The following PKHD1L1 variants were observed in gnomAD, a reference collection of about 807,000 sequenced individuals.
PKHD1L1 encodes fibrocystin-L.
PKHD1L1 carries 434 observed loss-of-function variants against 462.9 expected under a neutral mutation model. That is an observed-to-expected ratio of 0.94 (90% CI 0.87 to 1.02). PKHD1L1 has a LOEUF of 1.02. Among genes scored for constraint, PKHD1L1 ranks in the 50% least tolerant of loss-of-function variants. PKHD1L1 has a pLI of 0.00. For missense variants in PKHD1L1, 5,202 were observed against 5,096.1 expected, an observed-to-expected ratio of 1.02 and a Z score of -0.63; for synonymous variants, 1,781 against 1,750.0, an observed-to-expected ratio of 1.02 and a Z score of -0.44.
At chr8:109,460,398 A>T (rs1817053941) in intron 47 of PKHD1L1, among the ~76,000 whole-genome samples, 1 of 152,088 alleles carries the variant, frequency 6.6e-6, no homozygotes, top group Non-Finnish European at 1.5e-5. Flanking sequence ...CTGATGATGG[A>T]TAGACAGACA....
intron 28 of PKHD1L1, among the ~76,000 whole-genome samples, chr8:109,434,872 C>G (rs981038761): frequency 6.8e-6 from 1 of 147,420 alleles, no homozygotes; most frequent in East Asian, 1.9e-4. Flanking sequence ...AATAAATGAG[C>G]TTATAAACTA....
At chr8:109,469,570 A>G (rs2130850086) in intron 50 of PKHD1L1, among the ~76,000 whole-genome samples, 1 of 152,314 alleles carries the variant, frequency 6.6e-6, no homozygotes, top group South Asian at 2.1e-4. Context: ...TCTACAGGAG[A>G]AAACCTAAGT....
intron 31 of PKHD1L1, 24 bp from the exon 32 acceptor site, chr8:109,438,873 A>T (rs1563542468): frequency 1.3e-6 from 2 of 1,511,802 alleles, no homozygotes; most frequent in South Asian, 1.2e-5. Context: ...TTTTTGCATT[A>T]TTTTTTAAAT....
Position 109,438,362 on chromosome 8 carries a change from T to A in PKHD1L1, c.3666T>A (p.Asn1222Lys), listed in dbSNP as rs1023255525. The change falls in exon 31 of 78, where the codon AAT (asparagine) becomes AAA (lysine). Residue 1222 changes from asparagine to lysine, a missense_variant. Transcript: ENST00000378402. ...CAGTTGATATTTCAGTTACTACCAA[T>A]GGATTTCAAGCCACAGCAAGGGATG... ...EGTVDISVTT[N>K]GFQATARDAF... The A allele has an allele frequency of 1.9e-6, 3 of 1,539,218 alleles. No individual in the cohort carries two copies. The African/African-American group carries it at 4.1e-5, about 21-fold the overall frequency.
At chr8:109,489,851 AT>A in intron 59 of PKHD1L1, 100 bp from the exon 60 acceptor site, 1 of 756,668 alleles carries the variant, frequency 1.3e-6, no homozygotes, top group Non-Finnish European at 2.3e-6. Context: ...AAGAATAATG[AT>A]TTTTTCATGA....
Position 109,464,877 on chromosome 8 carries a change from G to A in PKHD1L1, c.8045G>A (p.Gly2682Glu). 1 of 1,613,782 alleles carries A rather than the reference G, an allele frequency of 6.2e-7. No homozygotes were observed. Among genetic ancestry groups the A allele is most frequent in the Non-Finnish European group, 8.5e-7 (1 of 1,179,790 alleles). Reference protein sequence around the residue: ...NFVMVNNYEAGIETKRILAPY... With the variant: ...NFVMVNNYEAEIETKRILAPY... ...GTGATGGTGAATAACTATGAGGCTG[G>A]AATTGAGACTAAGAGGATCCTGGCT... is the stretch of plus-strand genomic sequence containing the variant. The change falls in exon 49 of 78, where the codon GGA (glycine) becomes GAA (glutamate). Residue 2682 changes from glycine to glutamate, a missense_variant. Gly to Glu is a moderately conservative substitution (Grantham distance 98). Transcript: ENST00000378402.
At position 109,491,227 on chromosome 8, in the gene PKHD1L1, T is replaced by C. The variant is rs566940631; in HGVS notation, c.10114+126T>C. 70 of 956,428 alleles carry C rather than the reference T, an allele frequency of 7.3e-5. 2 individuals carry two copies. The South Asian group carries it at 1.5e-3, about 21-fold the overall frequency. 59.2% of individuals were successfully genotyped at this position (956,428 alleles called of 1,614,324 possible). ...GGAAATGGTCTATATTTCTGCTGTC[T>C]AATATAGTAATTACTAAGTCATATG... is the stretch of plus-strand genomic sequence containing the variant. On this transcript the variant is annotated intron_variant, in intron 61 of 77. Coordinates refer to ENST00000378402, the MANE Select transcript of PKHD1L1 (RefSeq NM_177531.6).
rs1821066248 is a variant in PKHD1L1, at chr8:109,532,588, A to C, written c.*2498A>C. On this transcript the variant is annotated 3_prime_UTR_variant, in exon 78 of 78. Transcript: ENST00000378402. ...AGTCATAAAAATCCTTTGATGTGTG[A>C]ATATTCTTCTACCTAAGACCTGAAA... is the stretch of plus-strand genomic sequence containing the variant. Among the ~76,000 whole-genome samples, 1 of 152,212 alleles carries C rather than the reference A, an allele frequency of 6.6e-6. No individual in the cohort carries two copies. The highest frequency in any genetic ancestry group is 1.5e-5 in the Non-Finnish European group (1 of 68,028).
intron 73 of PKHD1L1, among the ~76,000 whole-genome samples, chr8:109,521,878 G>A (rs2131027442): frequency 6.6e-6 from 1 of 152,202 alleles, no homozygotes; most frequent in South Asian, 2.1e-4. Flanking sequence ...GGTAAACAAA[G>A]ATTGGTAGGA....
Position 109,443,736 on chromosome 8 carries a change from T to C in PKHD1L1, c.4625T>C (p.Leu1542Pro), listed in dbSNP as rs1586524837. Residue 1542 changes from leucine (L) to proline (P), a missense_variant, in exon 37 of 78, where the codon CTG (leucine) becomes CCG (proline). Coordinates refer to ENST00000378402, the MANE Select transcript of PKHD1L1 (RefSeq NM_177531.6). The part of the protein sequence containing the change: ...SVAGCLATEP[L>P]CSLNNTRVKN... ...GCAGGCTGCCTAGCAACAGAACCCC[T>C]GTGCAGCCTGAACAATACCAGGGTT... The C allele has an allele frequency of 1.3e-5, 21 of 1,613,788 alleles. No homozygotes were observed. Among genetic ancestry groups the C allele is most frequent in the East Asian group, 2.2e-5 (1 of 44,868 alleles).
chr8:109,383,320 T>C (rs1437958358), intron 4 of PKHD1L1, among the ~76,000 whole-genome samples: 5 of 108,640 alleles, frequency 4.6e-5, no homozygotes, highest in Middle Eastern at 0.01. Context: ...ACATAATATA[T>C]AATTAATATT....
chr8:109,383,837 T>G (rs1201959989), intron 4 of PKHD1L1, among the ~76,000 whole-genome samples: 1 of 152,078 alleles, frequency 6.6e-6, no homozygotes, highest in African/African-American at 2.4e-5. Context: ...CTGTTACCAT[T>G]CTTGGTTTCT....
At chr8:109,391,464 G>A (rs1269912020) in intron 9 of PKHD1L1, among the ~76,000 whole-genome samples, 1 of 152,174 alleles carries the variant, frequency 6.6e-6, no homozygotes, top group Non-Finnish European at 1.5e-5. Context: ...ATTTGCAAAT[G>A]TGTGAAGAAT....
chr8:109,458,840 C>A (rs1405152297), intron 46 of PKHD1L1, among the ~76,000 whole-genome samples: 2 of 152,062 alleles, frequency 1.3e-5, no homozygotes, highest in Non-Finnish European at 2.9e-5. Flanking sequence ...TCCTTAAAAT[C>A]AGGGAAACTT....
chr8:109,388,628 C>A (rs906477574), intron 7 of PKHD1L1, 78 bp downstream of exon 7: 4 of 934,106 alleles, frequency 4.3e-6, no homozygotes, highest in African/African-American at 3.4e-5. Context: ...TAATTGCTAC[C>A]AATACTGCAT....
chr8:109,401,162 A>G (rs1229022694), intron 13 of PKHD1L1, among the ~76,000 whole-genome samples: 1 of 152,122 alleles, frequency 6.6e-6, no homozygotes. Context: ...GAGCAAAAGA[A>G]TATTTTATTT....
In PKHD1L1 at chr8:109,438,956, G is replaced by A; in HGVS notation, c.3820G>A (p.Ala1274Thr). ...TGGAAATGAACTCACACAAAACATG[G>A]CGGTGTATGTTGGAGGAAAAACCTG... Reference protein sequence around the residue: ...NFGNELTQNMAVYVGGKTCQI... With the variant: ...NFGNELTQNMTVYVGGKTCQI... Residue 1274 changes from alanine to threonine, a missense_variant, in exon 32 of 78, where the codon GCG (alanine) becomes ACG (threonine). Ala to Thr is a moderately conservative substitution (Grantham distance 58). Around this residue, in one of 3 missense-constraint regions of PKHD1L1, gnomAD observed 4,497 missense variants for 4,336.8 expected, o/e 1.04. Transcript: ENST00000378402. 6.2e-7 allele frequency: 1 copy of A among 1,613,452 alleles called. No homozygotes were observed. The highest frequency in any genetic ancestry group is 8.5e-7 in the Non-Finnish European group (1 of 1,179,602).
intron 2 of PKHD1L1, among the ~76,000 whole-genome samples, chr8:109,370,040 T>G (rs1180112707): frequency 6.6e-6 from 1 of 152,234 alleles, no homozygotes; most frequent in Non-Finnish European, 1.5e-5. Context: ...GCCTAGCAGC[T>G]AAGAACATAA....
At position 109,445,267 on chromosome 8, in the gene PKHD1L1, G is replaced by T. The variant is rs756717361; in HGVS notation, c.5398G>T (p.Ala1800Ser). Residue 1800 changes from alanine to serine, a missense_variant, in exon 38 of 78, where the codon GCT becomes TCT. By Grantham distance (99) the Ala-to-Ser change is moderately conservative. Coordinates refer to ENST00000378402, the MANE Select transcript of PKHD1L1 (RefSeq NM_177531.6). ...AGAGGTTAATGAAAACAACATCACT[G>T]CTCTTGTGACTCCTCTCCCAGTTGG... ...AIEVNENNIT[A>S]LVTPLPVGHH... The T allele has an allele frequency of 1.2e-6, 2 of 1,613,984 alleles. No homozygotes were observed. Among genetic ancestry groups the T allele is most frequent in the African/African-American group, 1.3e-5 (1 of 75,040 alleles).
Sources: gnomAD v4.1 joint callset for allele counts (sites outside exome capture counted in the v4.1 genomes callset) on GRCh38, gnomAD v4.1.1 for gene constraint, gnomAD v4.1.1 regional missense constraint, MANE v1.5 for transcripts, NCBI Gene and HGNC (gene_info 2026-07-23, HGNC 2026-07-21) for gene names.